GPR158: variants seen among roughly 807,000 people sequenced by gnomAD.
GPR158 encodes the protein G protein-coupled receptor 158.
GPR158 carries 30 observed loss-of-function variants against 78.2 expected under a neutral mutation model. The ratio of observed to expected loss-of-function variants is 0.38; its 90% confidence interval spans 0.29 to 0.52. The LOEUF is 0.52. Ranked by LOEUF, GPR158 falls within the 20% of genes least tolerant of loss-of-function variation. GPR158 has a pLI of 0.83. For missense variants in GPR158, 1,463 were observed against 1,523.5 expected, an observed-to-expected ratio of 0.96 and a Z score of 0.66; for synonymous variants, 581 against 591.1, an observed-to-expected ratio of 0.98 and a Z score of 0.25.
At chr10:25,487,128 T>C (rs375047431) in intron 5 of GPR158, among the ~76,000 whole-genome samples, 1 of 152,092 alleles carries the variant, frequency 6.6e-6, no homozygotes, top group Admixed American at 6.6e-5. Flanking sequence ...GGTGCTGTTA[T>C]TCTGCTTGCC....
At chr10:25,584,880 G>T (rs143167249) in intron 7 of GPR158, among the ~76,000 whole-genome samples, 1 of 152,338 alleles carries the variant, frequency 6.6e-6, no homozygotes, top group East Asian at 1.9e-4. Flanking sequence ...CCAAAGGGAG[G>T]TTGTGGGTTT....
intron 2 of GPR158, among the ~76,000 whole-genome samples, chr10:25,238,057 T>TC (rs1182142884): frequency 6.6e-6 from 1 of 152,030 alleles, no homozygotes; most frequent in African/African-American, 2.4e-5. Flanking sequence ...CTTTCTTTTC[T>TC]TTTCTCTCCT....
At chr10:25,398,298 A>G (rs567283910) in intron 3 of GPR158, among the ~76,000 whole-genome samples, 1 of 152,200 alleles carries the variant, frequency 6.6e-6, no homozygotes, top group Non-Finnish European at 1.5e-5. Context: ...TACAATAGCA[A>G]TCCTGGTAAT....
chr10:25,359,194 C>T (rs1158086941), intron 2 of GPR158, among the ~76,000 whole-genome samples: 3 of 151,818 alleles, frequency 2.0e-5, no homozygotes, highest in East Asian at 1.9e-4. Context: ...ATTGATTGAC[C>T]ATTTTGTGAC....
At chr10:25,371,589 AAAAC>A (rs1400444966) in intron 2 of GPR158, among the ~76,000 whole-genome samples, 1 of 146,230 alleles carries the variant, frequency 6.8e-6, no homozygotes, top group Non-Finnish European at 1.5e-5. Context: ...AAACCTGAGA[AAAAC>A]AAGCAATGGG....
chr10:25,238,102 A>G (rs542279507), intron 2 of GPR158, among the ~76,000 whole-genome samples: 6 of 137,744 alleles, frequency 4.4e-5, no homozygotes, highest in South Asian at 2.3e-4. Context: ...AGTAATCGCT[A>G]CTTCGCAGAA....
At chr10:25,489,092 T>C (rs1411596756) in intron 5 of GPR158, among the ~76,000 whole-genome samples, 1 of 152,100 alleles carries the variant, frequency 6.6e-6, no homozygotes, top group Non-Finnish European at 1.5e-5. Context: ...AGACAAAAAC[T>C]TGTTGGCCTG....
rs552260866 is a variant in GPR158 at position 25,548,179 on chromosome 10, T to C, written c.1405-2797T>C. Among the ~76,000 whole-genome samples the C allele has an allele frequency of 5.3e-5, 8 of 152,318 alleles. No homozygotes were observed. The South Asian group carries it at 1.0e-3, about 20-fold the overall frequency. On this transcript the variant is annotated intron_variant, in intron 5 of 10. Transcript: ENST00000376351. ...GCAAATATTTAATATGTATAAACTT[T>C]TAGTTTGTAAGCACACAGAATATAC...
intron 5 of GPR158, 58 bp from the exon 6 acceptor site, chr10:25,550,918 C>G (rs1302056891): frequency 1.8e-5 from 15 of 845,980 alleles, no homozygotes; most frequent in Middle Eastern, 2.2e-4. Context: ...GAGATATTGA[C>G]TTGGGTCTGT....
intron 2 of GPR158, among the ~76,000 whole-genome samples, chr10:25,308,011 T>C (rs1854706544): frequency 6.6e-6 from 1 of 152,220 alleles, no homozygotes; most frequent in African/African-American, 2.4e-5. Context: ...CAGCAAGATA[T>C]GAATTCCTGT....
intron 2 of GPR158, among the ~76,000 whole-genome samples, chr10:25,326,315 A>G (rs959963984): frequency 3.9e-5 from 6 of 152,180 alleles, no homozygotes; most frequent in South Asian, 4.1e-4. Context: ...ATAGTATTCC[A>G]TGGTGTATAT....
chr10:25,245,974 T>C (rs1439283725), intron 2 of GPR158, among the ~76,000 whole-genome samples: 1 of 152,202 alleles, frequency 6.6e-6, no homozygotes, highest in Non-Finnish European at 1.5e-5. Flanking sequence ...AGAATTTTGT[T>C]TCTGTTTGCT....
chr10:25,392,325 C>T (rs1445231357), intron 2 of GPR158, among the ~76,000 whole-genome samples: 1 of 152,198 alleles, frequency 6.6e-6, no homozygotes, highest in Non-Finnish European at 1.5e-5. Context: ...CACTCACACA[C>T]CCCCACTGCT....
In GPR158 at chr10:25,598,463, C is replaced by CA; in HGVS notation, c.2840dup (p.Asn947LysfsTer3). 6.2e-7 allele frequency: 1 copy of CA among 1,614,024 alleles called. No homozygotes were observed. Among genetic ancestry groups the CA allele is most frequent in the Non-Finnish European group, 8.5e-7 (1 of 1,179,972 alleles). ...GATAAAGAGACAAACAGAAATCACT[C>CA]AAATTCTGATAACACAGAGACTAAA... On this transcript the variant is annotated frameshift_variant, in exon 11 of 11. Transcript: ENST00000376351. LOFTEE classifies it low-confidence loss of function (END_TRUNC).
intron 6 of GPR158, among the ~76,000 whole-genome samples, chr10:25,561,371 C>T (rs1196816603): frequency 6.6e-6 from 1 of 152,112 alleles, no homozygotes; most frequent in African/African-American, 2.4e-5. Flanking sequence ...CTTGGCAGAC[C>T]ATGGTCCTAG....
intron 2 of GPR158, among the ~76,000 whole-genome samples, chr10:25,307,298 G>GAC (rs141165791): frequency 2.0e-5 from 3 of 147,248 alleles, no homozygotes; most frequent in African/African-American, 2.5e-5. Context: ...ATGAAATGCT[G>GAC]ACACACACAC....
chr10:25,247,003 G>C (rs1340449527), intron 2 of GPR158, among the ~76,000 whole-genome samples: 3 of 152,172 alleles, frequency 2.0e-5, no homozygotes, highest in Non-Finnish European at 2.9e-5. Context: ...AGATGCTTTG[G>C]TGAAAGTCAA....
chr10:25,210,935 C>T (rs1853120827), intron 1 of GPR158, among the ~76,000 whole-genome samples: 1 of 151,996 alleles, frequency 6.6e-6, no homozygotes, highest in Admixed American at 6.6e-5. Context: ...AGATTGAGAC[C>T]ATCCTGGCCA....
intron 2 of GPR158, among the ~76,000 whole-genome samples, chr10:25,277,185 AAGGGATCCTCCC>A: frequency 6.6e-6 from 1 of 152,162 alleles, no homozygotes; most frequent in South Asian, 2.1e-4. Context: ...TCCTTTCTTA[AAGGGATCCTCCC>A]ACCTCAGCCT....
Sources: allele counts gnomAD v4.1 joint callset (sites outside exome capture counted in the v4.1 genomes callset), GRCh38; gene constraint gnomAD v4.1.1; transcripts MANE v1.5; gene names NCBI Gene and HGNC (gene_info 2026-07-23, HGNC 2026-07-21).